The following GRID2 variants were observed in gnomAD, a reference collection of about 807,000 sequenced individuals.
GRID2 encodes glutamate receptor ionotropic, delta-2.
Under a neutral mutation model 114.8 loss-of-function variants are expected in GRID2, and 33 were observed. The observed-to-expected ratio is 0.29, with a 90% CI of 0.22 to 0.38. The LOEUF (loss-of-function observed/expected upper bound fraction) is 0.38. Among genes scored for constraint, GRID2 ranks in the 10% least tolerant of loss-of-function variants. The pLI is 1.00. For synonymous variants in GRID2, 505 were observed against 449.9 expected (o/e 1.12, Z -1.55); for missense variants, 1,184 against 1,257.7 (o/e 0.94, Z 0.89).
intron 12 of GRID2, among the ~76,000 whole-genome samples, chr4:93,510,986 G>T (rs1729106285): frequency 6.6e-6 from 1 of 151,698 alleles, no homozygotes; most frequent in Admixed American, 6.6e-5. Flanking sequence ...GCCAAAACTG[G>T]AGTGCGGTGG....
At chr4:93,090,718 T>C (rs982310751) in intron 3 of GRID2, among the ~76,000 whole-genome samples, 3 of 152,134 alleles carry the variant, frequency 2.0e-5, no homozygotes, top group African/African-American at 7.2e-5. Flanking sequence ...ACCCTAATGT[T>C]CAAATCATGT....
chr4:92,470,802 TAGTC>T (rs939071330), intron 1 of GRID2, among the ~76,000 whole-genome samples: 9 of 152,032 alleles, frequency 5.9e-5, no homozygotes, highest in Non-Finnish European at 8.8e-5. Context: ...TCATAATACA[TAGTC>T]ATTATCTCTT....
intron 2 of GRID2, among the ~76,000 whole-genome samples, chr4:92,673,963 T>G (rs1401376175): frequency 6.6e-6 from 1 of 151,948 alleles, no homozygotes; most frequent in Admixed American, 6.6e-5. Flanking sequence ...ACCCTAGAAC[T>G]TAAAGTATAA....
intron 1 of GRID2, among the ~76,000 whole-genome samples, chr4:92,307,480 T>C (rs1158960649): frequency 6.6e-6 from 1 of 152,150 alleles, no homozygotes; most frequent in East Asian, 1.9e-4. Context: ...ATTATTTTGG[T>C]ATTGAACCAA....
intron 8 of GRID2, among the ~76,000 whole-genome samples, chr4:93,246,664 T>TTATC (rs1283133440): frequency 3.9e-5 from 6 of 152,096 alleles, no homozygotes; most frequent in African/African-American, 1.4e-4. Flanking sequence ...TTTTATTTCT[T>TTATC]TATCCCATTC....
chr4:93,457,708 G>A (rs1723336761), intron 11 of GRID2, among the ~76,000 whole-genome samples: 1 of 152,076 alleles, frequency 6.6e-6, no homozygotes, highest in South Asian at 2.1e-4. Context: ...CCTATAGCGT[G>A]GTGTGGGGGT....
chr4:93,601,326 C>T (rs983966101), intron 13 of GRID2, among the ~76,000 whole-genome samples: 1 of 152,160 alleles, frequency 6.6e-6, no homozygotes, highest in Admixed American at 6.6e-5. Flanking sequence ...TGACTCACCC[C>T]TCTCCTATAC....
At chr4:92,989,959 A>G (rs1311499853) in intron 2 of GRID2, among the ~76,000 whole-genome samples, 1 of 152,204 alleles carries the variant, frequency 6.6e-6, no homozygotes, top group African/African-American at 2.4e-5. Context: ...TCAGGAATTG[A>G]AAGAAAAACC....
chr4:92,373,106 G>A (rs1729193576), intron 1 of GRID2, among the ~76,000 whole-genome samples: 2 of 152,158 alleles, frequency 1.3e-5, no homozygotes, highest in Admixed American at 1.3e-4. Context: ...TAATTTGGGG[G>A]CATATTCAAA....
At chr4:93,048,377 G>C (rs1428813608) in intron 2 of GRID2, among the ~76,000 whole-genome samples, 1 of 151,972 alleles carries the variant, frequency 6.6e-6, no homozygotes, top group African/African-American at 2.4e-5. Flanking sequence ...CCGTTTTTCA[G>C]TGAGGGTCCT....
At chr4:92,796,116 TC>T (rs1415272501) in intron 2 of GRID2, among the ~76,000 whole-genome samples, 1 of 151,916 alleles carries the variant, frequency 6.6e-6, no homozygotes, top group Non-Finnish European at 1.5e-5. Context: ...TGATGTTCTC[TC>T]TATTAGGATT....
At chr4:93,784,409 C>T (rs901302869) in intron 1 of GRID2, among the ~76,000 whole-genome samples, 2 of 152,060 alleles carry the variant, frequency 1.3e-5, no homozygotes, top group Non-Finnish European at 2.9e-5. Flanking sequence ...AGGCACCCTT[C>T]ACAGAGAAGC....
intron 1 of GRID2, among the ~76,000 whole-genome samples, chr4:92,557,651 A>G (rs1726921288): frequency 6.7e-6 from 1 of 149,644 alleles, no homozygotes; most frequent in Non-Finnish European, 1.5e-5. Flanking sequence ...ATGGTTATAT[A>G]TATATATATA....
At chr4:92,529,277 G>A (rs542149381) in intron 1 of GRID2, among the ~76,000 whole-genome samples, 1 of 150,570 alleles carries the variant, frequency 6.6e-6, no homozygotes, top group African/African-American at 2.4e-5. Context: ...AATGTAGTGA[G>A]AGAGAGAGAG....
chr4:93,601,611 C>T (rs532357840), intron 13 of GRID2, among the ~76,000 whole-genome samples: 10 of 152,322 alleles, frequency 6.6e-5, no homozygotes, highest in Admixed American at 2.0e-4. Flanking sequence ...AACCAAGACA[C>T]AGGTTTCACT....
chr4:93,274,630 A>T (rs1751849939), intron 8 of GRID2, among the ~76,000 whole-genome samples: 1 of 152,058 alleles, frequency 6.6e-6, no homozygotes, highest in Admixed American at 6.6e-5. Context: ...GACAGAGACT[A>T]TATCTTCTTG....
At chr4:92,419,472 C>A (rs868346714) in intron 1 of GRID2, among the ~76,000 whole-genome samples, 1 of 151,914 alleles carries the variant, frequency 6.6e-6, no homozygotes, top group African/African-American at 2.4e-5. Context: ...GGATAAAATA[C>A]GTCAAATAAA....
chr4:93,442,601 G>C (rs751822020), intron 10 of GRID2, among the ~76,000 whole-genome samples: 1 of 152,014 alleles, frequency 6.6e-6, no homozygotes, highest in African/African-American at 2.4e-5. Context: ...AGAGAAGAGA[G>C]AGACAGAACG....
At chr4:92,584,079 C>G (rs1428470491) in intron 1 of GRID2, among the ~76,000 whole-genome samples, 1 of 151,248 alleles carries the variant, frequency 6.6e-6, no homozygotes, top group African/African-American at 2.4e-5. Flanking sequence ...AAACGCTAAT[C>G]TCTTTTGGTC....
Sources: allele counts gnomAD v4.1 joint callset (sites outside exome capture counted in the v4.1 genomes callset), GRCh38; gene constraint gnomAD v4.1.1; transcripts MANE v1.5; gene names NCBI Gene and HGNC (gene_info 2026-07-23, HGNC 2026-07-21).